The following GSKIP variants were observed in gnomAD, a reference collection of about 807,000 sequenced individuals.
GSKIP encodes GSK3B-interacting protein.
GSKIP carries 5 observed loss-of-function variants against 11.9 expected under a neutral mutation model. The ratio of observed to expected loss-of-function variants is 0.42; its 90% CI spans 0.22 to 0.89. The LOEUF (loss-of-function observed/expected upper bound fraction) is 0.89, where lower values mean the gene tolerates loss of function less well. Ranked by LOEUF, GSKIP falls within the 40% of genes least tolerant of loss-of-function variation. The pLI is 0.29. For synonymous variants in GSKIP, 70 were observed against 62.9 expected (o/e 1.11, Z -0.54); for missense variants, 150 against 166.6 (o/e 0.90, Z 0.55).
rs531124959 is a variant in GSKIP, at chr14:96,386,587, T to C, written c.*903T>C. On this transcript the variant is annotated 3_prime_UTR_variant, in exon 4 of 4. Transcript: ENST00000555181. The stretch of plus-strand genomic sequence containing the variant: ...GCTTCAACGTTTACTTTCTATGATG[T>C]AGTGCTTTGGTATTCCTACAGCACC... 6.5e-6 allele frequency: 1 copy of C among 152,818 alleles called. No homozygotes were observed. Among genetic ancestry groups the C allele is most frequent in the Admixed American group, 6.5e-5 (1 of 15,304 alleles). The allele number at this position is 152,818 out of a possible 1,614,324, so 9.5% of individuals were successfully genotyped here. A position where few individuals can be genotyped will look rare whatever the true frequency, so the allele number is the denominator to read the frequency against.
intron 2 of GSKIP, chr14:96,380,411 G>A (rs1340490784): frequency 6.6e-6 from 1 of 152,104 alleles, no homozygotes; most frequent in African/African-American, 2.4e-5. Flanking sequence ...TAAGATTTTT[G>A]CTGATAATTT....
intron 1 of GSKIP, among the ~76,000 whole-genome samples, chr14:96,379,383 A>G (rs564361737): frequency 4.6e-4 from 70 of 152,332 alleles, no homozygotes; most frequent in Admixed American, 1.5e-3. Context: ...AGTCAATCTC[A>G]GCCAAATTGC....
chr14:96,375,591 G>A (rs539843213), intron 1 of GSKIP, among the ~76,000 whole-genome samples: 3 of 151,866 alleles, frequency 2.0e-5, no homozygotes, highest in South Asian at 2.1e-4. Context: ...GCACCACCAC[G>A]CCTGGCTAAT....
At chr14:96,371,294 C>T (rs988560601) in intron 1 of GSKIP, among the ~76,000 whole-genome samples, 6 of 152,132 alleles carry the variant, frequency 3.9e-5, no homozygotes, top group Non-Finnish European at 8.8e-5. Flanking sequence ...AATAACCTGA[C>T]TTCTCTAAGA....
rs1390101373 is a variant in GSKIP at position 96,386,569 on chromosome 14, C to T, written c.*885C>T. ...TATTCAGAAAGTATTTTTGCTTCAA[C>T]GTTTACTTTCTATGATGTAGTGCTT... On this transcript the variant is annotated 3_prime_UTR_variant, in exon 4 of 4. Coordinates refer to ENST00000555181, the MANE Select transcript of GSKIP (RefSeq NM_016472.5). 2 of 152,598 alleles carry T rather than the reference C, an allele frequency of 1.3e-5. No homozygotes were observed. Among genetic ancestry groups the T allele is most frequent in the Non-Finnish European group, 2.9e-5 (2 of 68,024 alleles). 9.5% of individuals were successfully genotyped at this position (152,598 alleles called of 1,614,324 possible).
intron 1 of GSKIP, among the ~76,000 whole-genome samples, chr14:96,372,156 T>C (rs560720259): frequency 6.6e-6 from 1 of 152,340 alleles, no homozygotes; most frequent in South Asian, 2.1e-4. Flanking sequence ...TTTCCAAGAA[T>C]ATCTGCCATG....
chr14:96,380,980 T>G (rs934581164), intron 2 of GSKIP, among the ~76,000 whole-genome samples: 1 of 152,228 alleles, frequency 6.6e-6, no homozygotes, highest in Admixed American at 6.5e-5. Flanking sequence ...GAATGTTGAT[T>G]GAATATGTGA....
chr14:96,378,371 A>G (rs1889258267), intron 1 of GSKIP, among the ~76,000 whole-genome samples: 1 of 152,138 alleles, frequency 6.6e-6, no homozygotes, highest in Non-Finnish European at 1.5e-5. Context: ...GCAGAAAAAG[A>G]AGTCATTTGA....
intron 1 of GSKIP, chr14:96,364,663 C>G (rs757279307): frequency 6.6e-6 from 1 of 152,212 alleles, no homozygotes; most frequent in Non-Finnish European, 1.5e-5. Context: ...TTTGTAGACT[C>G]ATCTCAAGTA....
chr14:96,376,833 G>A (rs948604804), intron 1 of GSKIP, among the ~76,000 whole-genome samples: 26 of 152,274 alleles, frequency 1.7e-4, no homozygotes, highest in African/African-American at 5.5e-4. Flanking sequence ...TGTAGGTACC[G>A]AGTGGATTAT....
chr14:96,372,451 A>G (rs2139932736), intron 1 of GSKIP, among the ~76,000 whole-genome samples: 1 of 152,382 alleles, frequency 6.6e-6, no homozygotes, highest in South Asian at 2.1e-4. Context: ...GAGCAGATAC[A>G]CAATCCTGAA....
chr14:96,376,316 A>G (rs1889202274), intron 1 of GSKIP, among the ~76,000 whole-genome samples: 1 of 148,996 alleles, frequency 6.7e-6, no homozygotes, highest in Admixed American at 6.9e-5. Flanking sequence ...TTCCTGCCAC[A>G]CCCTGTGCTG....
intron 1 of GSKIP, among the ~76,000 whole-genome samples, chr14:96,368,548 C>T (rs1478021921): frequency 6.6e-6 from 1 of 152,154 alleles, no homozygotes; most frequent in Non-Finnish European, 1.5e-5. Flanking sequence ...CCTCCTTAAT[C>T]AACAAAAGCA....
intron 3 of GSKIP, among the ~76,000 whole-genome samples, chr14:96,384,385 C>T (rs573651570): frequency 1.3e-4 from 19 of 151,262 alleles, no homozygotes; most frequent in Admixed American, 1.3e-3. Context: ...TCTGCCTCTG[C>T]TTTTCATTTA....
At chr14:96,379,508 C>CA (rs1351328545) in intron 1 of GSKIP, among the ~76,000 whole-genome samples, 180 bp from the exon 2 acceptor site, 1 of 151,970 alleles carries the variant, frequency 6.6e-6, no homozygotes, top group African/African-American at 2.4e-5. Flanking sequence ...CTTCAACCAA[C>CA]AAAAAACAAG....
At chr14:96,374,051 G>T (rs1889131727) in intron 1 of GSKIP, among the ~76,000 whole-genome samples, 1 of 152,110 alleles carries the variant, frequency 6.6e-6, no homozygotes, top group South Asian at 2.1e-4. Context: ...AATAATACTT[G>T]AAATTAGTAG....
intron 1 of GSKIP, among the ~76,000 whole-genome samples, chr14:96,376,473 A>G (rs368595715): frequency 6.6e-6 from 1 of 152,278 alleles, no homozygotes; most frequent in East Asian, 1.9e-4. Context: ...ACTAACCATT[A>G]CGTCATAGAT....
chr14:96,382,246 G>C lies in GSKIP; in HGVS notation c.-1-1G>C, dbSNP rs1288200545. On this transcript the variant is annotated splice_acceptor_variant, in intron 2 of 3. Coordinates refer to ENST00000555181, the MANE Select transcript of GSKIP (RefSeq NM_016472.5). LOFTEE classifies it low-confidence loss of function (5UTR_SPLICE). ...ATAACTGCTTTTTTTTTTTTTTACA[G>C]AATGGAAACAGACTGTAATCCCATG... The C allele has an allele frequency of 1.3e-6, 2 of 1,491,906 alleles. No homozygotes were observed. Among genetic ancestry groups the C allele is most frequent in the East Asian group, 2.3e-5 (1 of 42,560 alleles). 92.4% of individuals were successfully genotyped at this position (1,491,906 alleles called of 1,614,324 possible). A position where few individuals can be genotyped will look rare whatever the true frequency, so the allele number is the denominator to read the frequency against.
At chr14:96,374,440 GA>G (rs1889141815) in intron 1 of GSKIP, among the ~76,000 whole-genome samples, 1 of 152,110 alleles carries the variant, frequency 6.6e-6, no homozygotes, top group Admixed American at 6.5e-5. Context: ...AAAGAAGCAT[GA>G]AAAAACTACA....
Sources: gnomAD v4.1 joint callset for allele counts (sites outside exome capture counted in the v4.1 genomes callset) on GRCh38, gnomAD v4.1.1 for gene constraint, MANE v1.5 for transcripts, NCBI Gene and HGNC (gene_info 2026-07-23, HGNC 2026-07-21) for gene names.